BCKDHB: variants seen among roughly 807,000 people sequenced by gnomAD.
BCKDHB encodes the protein branched chain keto acid dehydrogenase E1 subunit beta, also known as 2-oxoisovalerate dehydrogenase subunit beta, mitochondrial.
BCKDHB carries 41 observed loss-of-function variants against 48.5 expected under a neutral mutation model. The ratio of observed to expected loss-of-function variants is 0.85; its 90% CI spans 0.66 to 1.10. The LOEUF is 1.10. Ranked by LOEUF, BCKDHB falls within the 50% of genes least tolerant of loss-of-function variation. The pLI, the probability that BCKDHB is intolerant of heterozygous loss-of-function variation, is 0.00. For missense variants in BCKDHB, 496 were observed against 494.2 expected (o/e 1.00, Z -0.03); for synonymous variants, 201 against 174.8 (o/e 1.15, Z -1.18).
At chr6:80,149,621 A>G (rs1771663211) in intron 3 of BCKDHB, among the ~76,000 whole-genome samples, 1 of 151,428 alleles carries the variant, frequency 6.6e-6, no homozygotes. Flanking sequence ...AATGTGGCAC[A>G]TATACACCAT....
chr6:80,376,522 G>A, the BCKDHB span, among the ~76,000 whole-genome samples: 1 of 152,094 alleles, frequency 6.6e-6, no homozygotes, highest in African/African-American at 2.4e-5. Flanking sequence ...TCCTTCAAAG[G>A]GTCTGTGAAT....
At chr6:80,197,468 G>T (rs1226878277) in intron 6 of BCKDHB, among the ~76,000 whole-genome samples, 1 of 151,976 alleles carries the variant, frequency 6.6e-6, no homozygotes, top group Non-Finnish European at 1.5e-5. Context: ...AAATAATGAG[G>T]CCTTATTATT....
chr6:80,455,606 G>A, the BCKDHB span, among the ~76,000 whole-genome samples: 7 of 150,530 alleles, frequency 4.7e-5, no homozygotes, highest in African/African-American at 1.7e-4. Context: ...ACCCGTCAAC[G>A]GAGAAATTTC....
At chr6:80,448,560 T>C in the BCKDHB span, among the ~76,000 whole-genome samples, 1 of 152,022 alleles carries the variant, frequency 6.6e-6, no homozygotes. Flanking sequence ...GTCAACAGAA[T>C]CACTTGTGGG....
At chr6:80,321,822 C>A (rs3805876) in intron 9 of BCKDHB, among the ~76,000 whole-genome samples, 67,806 of 151,714 alleles carry the variant, frequency 0.45, 16,559 homozygotes, top group Admixed American at 0.61. Context: ...TCTCTACTTC[C>A]AATTACATTT....
chr6:80,376,914 GT>G, the BCKDHB span, among the ~76,000 whole-genome samples: 1 of 152,050 alleles, frequency 6.6e-6, no homozygotes, highest in African/African-American at 2.4e-5. Context: ...TCAATATTGA[GT>G]TGTAGTTCTT....
intron 6 of BCKDHB, among the ~76,000 whole-genome samples, chr6:80,179,695 A>G (rs1329453294): frequency 5.9e-5 from 9 of 152,132 alleles, no homozygotes; most frequent in Non-Finnish European, 2.9e-5. Flanking sequence ...GTTTGAATAT[A>G]TATATATTGC....
At chr6:80,114,419 TTG>T (rs1400375257) in intron 1 of BCKDHB, among the ~76,000 whole-genome samples, 1 of 151,582 alleles carries the variant, frequency 6.6e-6, no homozygotes, top group African/African-American at 2.4e-5. Context: ...GGCTAATTTT[TTG>T]TAGTTTTTGT....
intron 3 of BCKDHB, among the ~76,000 whole-genome samples, chr6:80,161,825 A>C (rs1266739276): frequency 1.3e-5 from 2 of 152,230 alleles, no homozygotes; most frequent in Non-Finnish European, 2.9e-5. Context: ...AACTCTGATT[A>C]GCATTTTGAA....
At chr6:80,420,390 G>A in the BCKDHB span, among the ~76,000 whole-genome samples, 1 of 152,162 alleles carries the variant, frequency 6.6e-6, no homozygotes, top group Non-Finnish European at 1.5e-5. Context: ...TTCCTTCTCA[G>A]AAGGAAAGTT....
chr6:80,310,630 G>C (rs879292144), intron 9 of BCKDHB, among the ~76,000 whole-genome samples: 2 of 152,054 alleles, frequency 1.3e-5, no homozygotes, highest in South Asian at 2.1e-4. Context: ...TAATGGGATC[G>C]CTGGGTCAAA....
chr6:80,144,486 C>A (rs1771378118), intron 3 of BCKDHB, among the ~76,000 whole-genome samples: 1 of 152,154 alleles, frequency 6.6e-6, no homozygotes, highest in Admixed American at 6.6e-5. Flanking sequence ...GTTGTGTTCT[C>A]TGTAATGACT....
At chr6:80,277,343 C>G (rs1778006564) in intron 9 of BCKDHB, among the ~76,000 whole-genome samples, 1 of 151,860 alleles carries the variant, frequency 6.6e-6, no homozygotes, top group Admixed American at 6.6e-5. Flanking sequence ...TTAACCTCAT[C>G]TATTTTAATA....
intron 9 of BCKDHB, among the ~76,000 whole-genome samples, chr6:80,324,970 G>A (rs1293046666): frequency 1.3e-5 from 2 of 152,188 alleles, no homozygotes; most frequent in African/African-American, 2.4e-5. Flanking sequence ...TAGACAGCCA[G>A]TACTACCCAC....
the BCKDHB span, among the ~76,000 whole-genome samples, chr6:80,446,715 G>A: frequency 6.9e-6 from 1 of 145,158 alleles, no homozygotes; most frequent in Non-Finnish European, 1.5e-5. Context: ...AGGGGCTTCT[G>A]GACAATTTTT....
the BCKDHB span, among the ~76,000 whole-genome samples, chr6:80,430,191 A>G: frequency 6.6e-6 from 1 of 152,224 alleles, no homozygotes. Context: ...ATGTTGAACC[A>G]GCCTTGCGTC....
chr6:80,281,027 C>CGTGTGT (rs70981415), intron 9 of BCKDHB, among the ~76,000 whole-genome samples: 37 of 147,416 alleles, frequency 2.5e-4, no homozygotes, highest in African/African-American at 6.0e-4. Context: ...CAGGTGTATG[C>CGTGTGT]GTGTGTGTGT....
At chr6:80,289,698 C>G (rs371348281) in intron 9 of BCKDHB, among the ~76,000 whole-genome samples, 8 of 152,128 alleles carry the variant, frequency 5.3e-5, no homozygotes, top group African/African-American at 1.7e-4. Flanking sequence ...ATCCTAGATC[C>G]TAGTTACAGA....
chr6:80,368,996 G>T, the BCKDHB span, among the ~76,000 whole-genome samples: 1 of 143,090 alleles, frequency 7.0e-6, no homozygotes, highest in Non-Finnish European at 1.5e-5. Context: ...TTGGGTGACA[G>T]AGTGAGACTC....
Sources: allele counts gnomAD v4.1 joint callset (sites outside exome capture counted in the v4.1 genomes callset), GRCh38; gene constraint gnomAD v4.1.1; transcripts MANE v1.5; gene names NCBI Gene and HGNC (gene_info 2026-07-23, HGNC 2026-07-21).